The following CR1L variants were observed in gnomAD, a reference collection of about 807,000 sequenced individuals.
CR1L encodes the protein complement C3b/C4b receptor 1 like, also known as complement component receptor 1-like protein.
Under a neutral mutation model 62.3 loss-of-function variants are expected in CR1L, and 59 were observed. The observed-to-expected ratio is 0.95, with a 90% CI of 0.77 to 1.18. CR1L has a LOEUF of 1.18. CR1L is among the 50% of genes most tolerant of loss of function. The pLI is 0.00. For synonymous variants in CR1L, 279 were observed against 248.7 expected (o/e 1.12, Z -1.15); for missense variants, 700 against 702.8 (o/e 1.00, Z 0.04).
In CR1L at chr1:207,687,197, T is replaced by C. The variant is rs139202627; in HGVS notation, c.463+3240T>C. Among the ~76,000 whole-genome samples the C allele has an allele frequency of 5.9e-3, 905 of 152,314 alleles. 6 individuals are homozygous for C. The highest frequency in any genetic ancestry group is 0.02 in the African/African-American group (846 of 41,558). On this transcript the variant is annotated intron_variant, in intron 4 of 11. Coordinates refer to ENST00000508064, the MANE Select transcript of CR1L (RefSeq NM_175710.2). ...ACAGTCTTATAAAGCCAGCTGGTAG[T>C]GTTTCATATATTTGCTTCCTTGTAA...
At chr1:207,646,702 C>G (rs576659761) in intron 1 of CR1L, among the ~76,000 whole-genome samples, 3 of 110,376 alleles carry the variant, frequency 2.7e-5, no homozygotes, top group African/African-American at 1.1e-4. Flanking sequence ...CAGTGTGAGA[C>G]CCTGTCTCAA....
chr1:207,710,170 C>A (rs572359483), intron 10 of CR1L, among the ~76,000 whole-genome samples: 2 of 152,210 alleles, frequency 1.3e-5, no homozygotes, highest in South Asian at 4.1e-4. Context: ...ATGACCAAAC[C>A]CCAACTCCAC....
chr1:207,717,342 C>A, intron 10 of CR1L, 122 bp from the exon 11 acceptor site: 1 of 1,125,536 alleles, frequency 8.9e-7, no homozygotes, highest in East Asian at 2.6e-5. Context: ...TTCCATCCAC[C>A]TTAGTTATAG....
chr1:207,663,047 C>CTG (rs1663450258), intron 1 of CR1L, among the ~76,000 whole-genome samples: 1 of 152,190 alleles, frequency 6.6e-6, no homozygotes, highest in African/African-American at 2.4e-5. Flanking sequence ...AGGTGTCAGT[C>CTG]CGCCCCTACT....
In CR1L at chr1:207,717,540, A is replaced by G. The variant is rs754556713; in HGVS notation, c.1491A>G (p.Gly497=). The change falls in exon 11 of 12, where the codon GGA becomes GGG. Residue 497 remains glycine, a synonymous_variant. Transcript: ENST00000508064. Reference sequence around the variant, plus strand: ...CTCCCCTTGGAGATATTCCCTATGGAAAAGAAGTATCTTACACATGTGACC... The same window carrying G: ...CTCCCCTTGGAGATATTCCCTATGGGAAAGAAGTATCTTACACATGTGACC... The part of the protein sequence containing the change: ...TGTPLGDIPY[G]KEVSYTCDPH... 7.4e-6 allele frequency: 12 copies of G among 1,613,668 alleles called. No individual in the cohort carries two copies. The African/African-American group carries it at 1.5e-4, about 20-fold the overall frequency.
intron 11 of CR1L, among the ~76,000 whole-genome samples, chr1:207,719,260 TA>T (rs55749463): frequency 0.83 from 111,919 of 135,278 alleles, 47,601 homozygotes; most frequent in East Asian, 0.94. Flanking sequence ...AAGTATAATT[TA>T]AAAAAAAAAA....
At chr1:207,685,454 C>G (rs193065053) in intron 4 of CR1L, among the ~76,000 whole-genome samples, 2 of 152,208 alleles carry the variant, frequency 1.3e-5, no homozygotes, top group Admixed American at 1.3e-4. Flanking sequence ...CAAATAACAC[C>G]TTAGTCGGCT....
chr1:207,651,754 G>A (rs967946967), intron 1 of CR1L, among the ~76,000 whole-genome samples: 2 of 152,174 alleles, frequency 1.3e-5, no homozygotes, highest in Admixed American at 6.5e-5. Context: ...CAATCCAACA[G>A]CTACCTCAGG....
intron 1 of CR1L, among the ~76,000 whole-genome samples, chr1:207,651,224 G>GA (rs1274510884): frequency 6.6e-6 from 1 of 151,972 alleles, no homozygotes; most frequent in Non-Finnish European, 1.5e-5. Context: ...AAAATATCTA[G>GA]AAAAAATAAG....
intron 9 of CR1L, among the ~76,000 whole-genome samples, chr1:207,702,122 G>A (rs1463125589): frequency 1.3e-5 from 2 of 152,174 alleles, no homozygotes; most frequent in Non-Finnish European, 2.9e-5. Context: ...ATCCAACAGT[G>A]TGTGTTGACT....
chr1:207,723,703 T>A lies in CR1L; in HGVS notation c.*18T>A, dbSNP rs368150037. 1.0e-5 allele frequency: 15 copies of A among 1,490,990 alleles called. No individual in the cohort carries two copies. The African/African-American group carries it at 1.7e-4, about 16-fold the overall frequency. 92.4% of individuals were successfully genotyped at this position (1,490,990 alleles called of 1,614,324 possible). A position where few individuals can be genotyped will look rare whatever the true frequency, so the allele number is the denominator to read the frequency against. Reference sequence around the variant, plus strand: ...ATCTTTAACAGTAAGTACCTACTTATAATGAATGCAATGTAGAAAGAGAGA... The same window carrying A: ...ATCTTTAACAGTAAGTACCTACTTAAAATGAATGCAATGTAGAAAGAGAGA... On this transcript the variant is annotated 3_prime_UTR_variant, in exon 12 of 12. Coordinates refer to ENST00000508064, the MANE Select transcript of CR1L (RefSeq NM_175710.2).
intron 10 of CR1L, among the ~76,000 whole-genome samples, chr1:207,717,147 C>A (rs775868831): frequency 2.0e-5 from 3 of 152,024 alleles, no homozygotes; most frequent in Non-Finnish European, 4.4e-5. Flanking sequence ...TCTTACTATG[C>A]CTGATTTAAA....
intron 3 of CR1L, 124 bp from the exon 4 acceptor site, chr1:207,683,748 A>G (rs2102462097): frequency 2.3e-6 from 2 of 876,418 alleles, no homozygotes; most frequent in Non-Finnish European, 3.3e-6. Flanking sequence ...GTGATAGACA[A>G]TTCTTTGACA....
chr1:207,659,382 T>A (rs1663371074), intron 1 of CR1L, among the ~76,000 whole-genome samples: 1 of 152,236 alleles, frequency 6.6e-6, no homozygotes, highest in South Asian at 2.1e-4. Context: ...GACATCCCCA[T>A]GGCCCTGCAT....
intron 9 of CR1L, among the ~76,000 whole-genome samples, chr1:207,706,201 C>G (rs1312043555): frequency 6.6e-6 from 1 of 151,868 alleles, no homozygotes; most frequent in Non-Finnish European, 1.5e-5. Context: ...AAGAGAATCA[C>G]TTGACCCCAG....
chr1:207,669,383 CT>C, intron 1 of CR1L: 5 of 1,062,084 alleles, frequency 4.7e-6, no homozygotes, highest in Non-Finnish European at 4.3e-6. Context: ...TTGCACTGCG[CT>C]TTTCCTCTTA....
chr1:207,689,014 T>C (rs80121755), intron 4 of CR1L, among the ~76,000 whole-genome samples: 5,835 of 152,266 alleles, frequency 0.038, 177 homozygotes, highest in South Asian at 0.12. Context: ...GTTTATTTCA[T>C]CTGCTTTATT....
intron 1 of CR1L, chr1:207,653,043 C>A (rs1663253476): frequency 4.7e-6 from 1 of 213,670 alleles, no homozygotes; most frequent in Non-Finnish European, 9.3e-6. Flanking sequence ...TGTTTAGAAA[C>A]TGGATTGAAA....
intron 1 of CR1L, among the ~76,000 whole-genome samples, chr1:207,665,341 G>A (rs916205375): frequency 3.4e-5 from 5 of 149,168 alleles, no homozygotes; most frequent in Non-Finnish European, 7.4e-5. Context: ...GGCGTGAGCT[G>A]TAGTGACCAT....
Sources: gnomAD v4.1 joint callset for allele counts (sites outside exome capture counted in the v4.1 genomes callset) on GRCh38, gnomAD v4.1.1 for gene constraint, MANE v1.5 for transcripts, NCBI Gene and HGNC (gene_info 2026-07-23, HGNC 2026-07-21) for gene names.